Variants in PRKAR2B observed in about 807,000 individuals in gnomAD.
The protein encoded by PRKAR2B is protein kinase cAMP-dependent type II regulatory subunit beta.
Under a neutral mutation model 49.9 loss-of-function variants are expected in PRKAR2B, and 14 were observed. The ratio of observed to expected loss-of-function variants is 0.28; its 90% CI spans 0.19 to 0.44. The LOEUF (loss-of-function observed/expected upper bound fraction) is 0.44. Ranked by LOEUF, PRKAR2B falls within the 20% of genes least tolerant of loss-of-function variation. The pLI is 1.00. For missense variants in PRKAR2B, 393 were observed against 537.9 expected (o/e 0.73, Z 2.67); for synonymous variants, 196 against 197.7 (o/e 0.99, Z 0.07).
At chr7:107,071,099 T>A (rs1397569160) in intron 2 of PRKAR2B, among the ~76,000 whole-genome samples, 1 of 152,224 alleles carries the variant, frequency 6.6e-6, no homozygotes, top group Non-Finnish European at 1.5e-5. Context: ...ATGGCTTATC[T>A]TCTCTGTGTA....
In PRKAR2B at chr7:107,128,236, C is replaced by G; in HGVS notation, c.421C>G (p.Gln141Glu). The G allele has an allele frequency of 6.2e-7, 1 of 1,612,228 alleles. No individual in the cohort carries two copies. The highest frequency in any genetic ancestry group is 8.5e-7 in the Non-Finnish European group (1 of 1,178,458). Residue 141 changes from glutamine to glutamate, a missense_variant, in exon 4 of 11, where the codon CAA becomes GAA. Gln to Glu is a conservative substitution (Grantham distance 29). Around this residue, in one of 2 missense-constraint regions of PRKAR2B, gnomAD observed 233 missense variants for 390.4 expected, o/e 0.60. Coordinates refer to ENST00000265717, the MANE Select transcript of PRKAR2B (RefSeq NM_002736.3). ...SRIIHPKTDD[Q>E]RNRLQEACKD... ...GATTATACATCCAAAAACTGATGAT[C>G]AAAGAAATAGGTTGCAAGAGGCTTG...
At chr7:107,155,954 CAGGACATG>C (rs1001170558) in intron 8 of PRKAR2B, among the ~76,000 whole-genome samples, 1 of 152,126 alleles carries the variant, frequency 6.6e-6, no homozygotes, top group Non-Finnish European at 1.5e-5. Flanking sequence ...ATGTCCTTTG[CAGGACATG>C]GATGAAGCTG....
chr7:107,135,327 C>G (rs1269380212), intron 4 of PRKAR2B, among the ~76,000 whole-genome samples: 1 of 152,032 alleles, frequency 6.6e-6, no homozygotes, highest in African/African-American at 2.4e-5. Context: ...TGAATTTCAC[C>G]TCAACAAATT....
intron 2 of PRKAR2B, chr7:107,077,957 T>G (rs926020717): frequency 6.6e-6 from 1 of 152,264 alleles, no homozygotes; most frequent in Non-Finnish European, 1.5e-5. Context: ...TTCCCAGCAC[T>G]TTGGGAGGCC....
At chr7:107,052,396 C>T (rs185893113) in intron 1 of PRKAR2B, among the ~76,000 whole-genome samples, 1 of 152,092 alleles carries the variant, frequency 6.6e-6, no homozygotes, top group South Asian at 2.1e-4. Context: ...CCAGCTTGGG[C>T]AACAGAGGTA....
chr7:107,087,057 T>C (rs999957683), intron 2 of PRKAR2B, among the ~76,000 whole-genome samples: 3 of 152,212 alleles, frequency 2.0e-5, no homozygotes, highest in Non-Finnish European at 2.9e-5. Context: ...GAAAATGTTA[T>C]ATGTTCTATT....
At chr7:107,095,415 G>A (rs74507637) in intron 2 of PRKAR2B, among the ~76,000 whole-genome samples, 59,762 of 152,040 alleles carry the variant, frequency 0.39, 14,413 homozygotes, top group Non-Finnish European at 0.51. Flanking sequence ...GAGACGATGT[G>A]GTTTTCTAAA....
At chr7:107,050,613 G>T (rs1793782628) in intron 1 of PRKAR2B, among the ~76,000 whole-genome samples, 1 of 152,044 alleles carries the variant, frequency 6.6e-6, no homozygotes, top group Non-Finnish European at 1.5e-5. Context: ...AGTAGTAGTA[G>T]TAATAAAGTC....
chr7:107,070,892 A>G (rs571440449), intron 2 of PRKAR2B, among the ~76,000 whole-genome samples: 1 of 152,320 alleles, frequency 6.6e-6, no homozygotes, highest in African/African-American at 2.4e-5. Context: ...GCTGGTTTAA[A>G]TATACTACAG....
chr7:107,085,431 A>C (rs951128452), intron 2 of PRKAR2B, among the ~76,000 whole-genome samples: 3 of 152,144 alleles, frequency 2.0e-5, no homozygotes, highest in African/African-American at 7.2e-5. Context: ...CTTTTTTTAT[A>C]GTTGTGATTA....
At chr7:107,093,542 A>T (rs1794773577) in intron 2 of PRKAR2B, among the ~76,000 whole-genome samples, 1 of 150,270 alleles carries the variant, frequency 6.7e-6, no homozygotes, top group African/African-American at 2.5e-5. Context: ...TTTAAGTTCT[A>T]GGGTACATGT....
At chr7:107,061,526 A>G (rs889344387) in intron 1 of PRKAR2B, among the ~76,000 whole-genome samples, 2 of 152,198 alleles carry the variant, frequency 1.3e-5, no homozygotes, top group African/African-American at 4.8e-5. Flanking sequence ...GCTGTTGCTG[A>G]GAATATATAA....
intron 2 of PRKAR2B, among the ~76,000 whole-genome samples, chr7:107,108,172 C>T (rs1269155954): frequency 2.6e-5 from 4 of 152,224 alleles, no homozygotes; most frequent in African/African-American, 9.6e-5. Flanking sequence ...TCATGAACCC[C>T]AAAGGCACGA....
chr7:107,131,133 G>T (rs1180696199), intron 4 of PRKAR2B, among the ~76,000 whole-genome samples: 1 of 152,164 alleles, frequency 6.6e-6, no homozygotes, highest in African/African-American at 2.4e-5. Flanking sequence ...TCAGTATTTG[G>T]TTACTGTTAC....
At chr7:107,144,345 T>TA (rs1795848858) in intron 5 of PRKAR2B, among the ~76,000 whole-genome samples, 1 of 152,086 alleles carries the variant, frequency 6.6e-6, no homozygotes, top group Non-Finnish European at 1.5e-5. Context: ...CTTGGCCTCC[T>TA]AAAGTTCTGG....
intron 5 of PRKAR2B, among the ~76,000 whole-genome samples, chr7:107,143,069 G>A (rs2115644307): frequency 6.6e-6 from 1 of 152,258 alleles, no homozygotes; most frequent in Middle Eastern, 3.4e-3. Context: ...GGCCTAGCCT[G>A]CGGTATTTTA....
chr7:107,102,930 C>T (rs910072047), intron 2 of PRKAR2B, among the ~76,000 whole-genome samples: 1 of 152,120 alleles, frequency 6.6e-6, no homozygotes, highest in Non-Finnish European at 1.5e-5. Context: ...CTCAGCCTCC[C>T]AAAGTGTTGG....
chr7:107,108,894 A>G (rs909670762), intron 2 of PRKAR2B, among the ~76,000 whole-genome samples: 1 of 152,230 alleles, frequency 6.6e-6, no homozygotes, highest in Admixed American at 6.5e-5. Context: ...CTCAGGAAAC[A>G]ATTCAAGAAA....
At chr7:107,128,186 G>GT (rs1008044725) in intron 3 of PRKAR2B, 26 bp from the exon 4 acceptor site, 3 of 1,508,700 alleles carry the variant, frequency 2.0e-6, no homozygotes, top group Non-Finnish European at 2.8e-6. Flanking sequence ...TAATGTCTTT[G>GT]TTTTTTAAAT....
Sources: allele counts gnomAD v4.1 joint callset (sites outside exome capture counted in the v4.1 genomes callset), GRCh38; gene constraint gnomAD v4.1.1; regional missense constraint gnomAD v4.1.1; transcripts MANE v1.5; gene names NCBI Gene and HGNC (gene_info 2026-07-23, HGNC 2026-07-21).